Variants in PHACTR3 observed in about 807,000 individuals in gnomAD.
PHACTR3 encodes the protein phosphatase and actin regulator 3.
PHACTR3 carries 16 observed loss-of-function variants against 66.8 expected under a neutral mutation model. The observed-to-expected ratio is 0.24, with a 90% confidence interval of 0.16 to 0.36. PHACTR3 has a LOEUF of 0.36. Ranked by LOEUF, PHACTR3 falls within the 10% of genes least tolerant of loss-of-function variation. PHACTR3 has a pLI of 1.00. For synonymous variants in PHACTR3, 323 were observed against 292.1 expected (o/e 1.11, Z -1.08); for missense variants, 647 against 719.9 (o/e 0.90, Z 1.16).
chr20:59,706,080 T>C (rs1407355317), intron 1 of PHACTR3, among the ~76,000 whole-genome samples: 3 of 152,224 alleles, frequency 2.0e-5, no homozygotes, highest in Admixed American at 6.5e-5. Context: ...ACTTTTATTG[T>C]GCAAACAAGT....
chr20:59,753,043 C>A (rs1220377186), intron 3 of PHACTR3, among the ~76,000 whole-genome samples: 2 of 152,050 alleles, frequency 1.3e-5, no homozygotes, highest in African/African-American at 4.8e-5. Context: ...TGGCTTGTAT[C>A]TGGGTTGGTG....
intron 1 of PHACTR3, among the ~76,000 whole-genome samples, chr20:59,737,530 G>GCGTGCA (rs1278410959): frequency 1.5e-5 from 1 of 67,540 alleles, no homozygotes; most frequent in Non-Finnish European, 5.2e-5. Flanking sequence ...GCGTGTATGT[G>GCGTGCA]TGTGCGTGCA....
chr20:59,582,442 C>G (rs778426161), intron 1 of PHACTR3, among the ~76,000 whole-genome samples: 1 of 152,186 alleles, frequency 6.6e-6, no homozygotes, highest in Non-Finnish European at 1.5e-5. Context: ...AAGTGTTTCT[C>G]TATAAGGCAC....
intron 1 of PHACTR3, among the ~76,000 whole-genome samples, chr20:59,637,667 C>A (rs1250459094): frequency 6.7e-6 from 1 of 148,942 alleles, no homozygotes; most frequent in Non-Finnish European, 1.5e-5. Flanking sequence ...CTTAACCAAC[C>A]AACATGCTAG....
chr20:59,658,569 A>T (rs931832218), intron 1 of PHACTR3, among the ~76,000 whole-genome samples: 3 of 151,984 alleles, frequency 2.0e-5, no homozygotes, highest in African/African-American at 7.3e-5. Context: ...CAGCCTTGGG[A>T]GTGTGCACAG....
intron 1 of PHACTR3, among the ~76,000 whole-genome samples, chr20:59,605,858 T>TGGGGG (rs55834062): frequency 2.3e-5 from 2 of 87,686 alleles, no homozygotes; most frequent in Non-Finnish European, 4.4e-5. Flanking sequence ...GGGGGGGAGG[T>TGGGGG]GGGGGGGGGG....
chr20:59,597,625 A>G (rs1289060015), intron 1 of PHACTR3, among the ~76,000 whole-genome samples: 1 of 152,264 alleles, frequency 6.6e-6, no homozygotes, highest in African/African-American at 2.4e-5. Flanking sequence ...TAAAGTTTTT[A>G]GAACAATGGC....
intron 1 of PHACTR3, among the ~76,000 whole-genome samples, chr20:59,677,940 G>T (rs2036507881): frequency 6.6e-6 from 1 of 152,178 alleles, no homozygotes; most frequent in Non-Finnish European, 1.5e-5. Flanking sequence ...TTGTCACCTA[G>T]GTGCAACTCT....
chr20:59,606,543 C>T (rs2033677302), intron 1 of PHACTR3, among the ~76,000 whole-genome samples: 1 of 152,196 alleles, frequency 6.6e-6, no homozygotes, highest in Non-Finnish European at 1.5e-5. Flanking sequence ...CAGCCTTCAG[C>T]ACTCCATGAT....
Position 59,639,871 on chromosome 20 carries a change from G to A in PHACTR3, c.118+34739G>A, listed in dbSNP as rs781027270. 1.2e-4 allele frequency among the ~76,000 whole-genome samples: 18 copies of A among 152,138 alleles called. 1 individual carries two copies. The highest frequency in any genetic ancestry group is 3.4e-4 in the African/African-American group (14 of 41,412). On this transcript the variant is annotated intron_variant, in intron 1 of 12. Coordinates refer to ENST00000371015, the MANE Select transcript of PHACTR3 (RefSeq NM_080672.5). ...GCTGGGATATAAATTTTTGAAACCTGTTCTCTTTCCTCTTCCATGTTCTCC... is the reference window on the plus strand; with the variant it reads ...GCTGGGATATAAATTTTTGAAACCTATTCTCTTTCCTCTTCCATGTTCTCC...
At chr20:59,831,833 C>T (rs1443375542) in intron 8 of PHACTR3, among the ~76,000 whole-genome samples, 1 of 152,228 alleles carries the variant, frequency 6.6e-6, no homozygotes, top group African/African-American at 2.4e-5. Flanking sequence ...TCGACACAGG[C>T]TGCTCCCCTT....
Position 59,661,987 on chromosome 20 carries a change from G to A in PHACTR3, c.118+56855G>A, listed in dbSNP as rs143777014. Among the ~76,000 whole-genome samples, 77 of 152,184 alleles carry A rather than the reference G, an allele frequency of 5.1e-4. No individual in the cohort carries two copies. In the East Asian group the frequency reaches 0.013, roughly 26 times the overall value. On this transcript the variant is annotated intron_variant, in intron 1 of 12. Transcript: ENST00000371015. ...CTTGGCCCCTGTGAAAGGAACTCGC[G>A]GTGGAATATTGTATTCGGTGCTGCA...
At chr20:59,668,850 G>A (rs961620964) in intron 1 of PHACTR3, among the ~76,000 whole-genome samples, 2 of 141,410 alleles carry the variant, frequency 1.4e-5, no homozygotes, top group Admixed American at 7.3e-5. Flanking sequence ...ACAGGTGCCC[G>A]TCACCACACA....
At chr20:59,630,483 T>C (rs958518640) in intron 1 of PHACTR3, among the ~76,000 whole-genome samples, 6 of 152,254 alleles carry the variant, frequency 3.9e-5, no homozygotes, top group African/African-American at 1.2e-4. Context: ...GTTCCCAGCC[T>C]GTTTAATTTT....
At chr20:59,678,405 G>A (rs927828718) in intron 1 of PHACTR3, among the ~76,000 whole-genome samples, 5 of 152,142 alleles carry the variant, frequency 3.3e-5, no homozygotes, top group African/African-American at 1.2e-4. Context: ...GCTTTGCACC[G>A]TGGAGTTGTT....
Position 59,829,511 on chromosome 20 carries a change from C to T in PHACTR3, c.1329-6994C>T, listed in dbSNP as rs2153168. On this transcript the variant is annotated intron_variant, in intron 8 of 12. Coordinates refer to ENST00000371015, the MANE Select transcript of PHACTR3 (RefSeq NM_080672.5). This position sits in a 1 kb window ranked among gnomAD's most constrained non-coding sequence, Gnocchi z 4.2. ...GTCATCCGTGCACCCAGATGGTGTGCGCCTGGGGGCAAGCAGACGAGACAT... is the reference window on the plus strand; with the variant it reads ...GTCATCCGTGCACCCAGATGGTGTGTGCCTGGGGGCAAGCAGACGAGACAT... Among the ~76,000 whole-genome samples, 37,416 of 152,204 alleles carry T rather than the reference C, an allele frequency of 0.25. 5,480 individuals are homozygous for T. Among genetic ancestry groups the T allele is most frequent in the African/African-American group, 0.41 (17,099 of 41,510 alleles).
At chr20:59,588,105 T>G (rs2033088003) in intron 1 of PHACTR3, among the ~76,000 whole-genome samples, 1 of 152,176 alleles carries the variant, frequency 6.6e-6, no homozygotes, top group Non-Finnish European at 1.5e-5. Flanking sequence ...GCTCTCAAAT[T>G]CTGCTGTCCT....
At chr20:59,794,233 T>C (rs916287881) in intron 7 of PHACTR3, among the ~76,000 whole-genome samples, 1 of 152,136 alleles carries the variant, frequency 6.6e-6, no homozygotes, top group Non-Finnish European at 1.5e-5. Flanking sequence ...ATTTGTCATA[T>C]ATGGCCTTTA....
At chr20:59,635,750 T>C (rs1375280760) in intron 1 of PHACTR3, among the ~76,000 whole-genome samples, 3 of 152,210 alleles carry the variant, frequency 2.0e-5, no homozygotes, top group Non-Finnish European at 4.4e-5. Flanking sequence ...GGAGTCATAA[T>C]GTCTGCATGG....
Sources: allele counts gnomAD v4.1 joint callset (sites outside exome capture counted in the v4.1 genomes callset), GRCh38; gene constraint gnomAD v4.1.1; non-coding constraint Gnocchi (gnomAD v3.1); transcripts MANE v1.5; gene names NCBI Gene and HGNC (gene_info 2026-07-23, HGNC 2026-07-21).